Variants in RORB observed in about 807,000 individuals in gnomAD.
The protein encoded by RORB is RAR related orphan receptor B.
RORB carries 6 observed loss-of-function variants against 59.1 expected under a neutral mutation model. The ratio of observed to expected loss-of-function variants is 0.10; its 90% CI spans 0.06 to 0.20. The LOEUF (loss-of-function observed/expected upper bound fraction) is 0.20. Among genes scored for constraint, RORB ranks in the 10% least tolerant of loss-of-function variants. RORB has a pLI of 1.00. For missense variants in RORB, 320 were observed against 560.5 expected (o/e 0.57, Z 4.33); for synonymous variants, 215 against 204.5 (o/e 1.05, Z -0.44).
At chr9:74,601,054 ACACT>A (rs1393619376) in intron 1 of RORB, among the ~76,000 whole-genome samples, 4 of 152,120 alleles carry the variant, frequency 2.6e-5, no homozygotes, top group African/African-American at 9.6e-5. Context: ...AAAAATAATA[ACACT>A]CAATGTCAGT....
intron 1 of RORB, among the ~76,000 whole-genome samples, chr9:74,521,780 T>C (rs1826089112): frequency 6.6e-6 from 1 of 151,716 alleles, no homozygotes; most frequent in Non-Finnish European, 1.5e-5. Flanking sequence ...CTGTCACGAG[T>C]GTCTGTTAAA....
At chr9:74,595,787 G>A (rs1393449016) in intron 1 of RORB, among the ~76,000 whole-genome samples, 7 of 152,186 alleles carry the variant, frequency 4.6e-5, no homozygotes, top group Admixed American at 2.6e-4. Context: ...GGGAAGAGTA[G>A]GTGGGTGAGG....
intron 1 of RORB, among the ~76,000 whole-genome samples, chr9:74,585,617 T>C (rs1822786466): frequency 6.6e-6 from 1 of 152,184 alleles, no homozygotes; most frequent in Middle Eastern, 3.2e-3. Context: ...CATTAGATTA[T>C]GAAGAACAGC....
intron 1 of RORB, among the ~76,000 whole-genome samples, chr9:74,512,395 A>T (rs946311127): frequency 6.6e-6 from 1 of 152,202 alleles, no homozygotes; most frequent in Non-Finnish European, 1.5e-5. Flanking sequence ...TTTGCTCATA[A>T]GACTGTTATA....
Position 74,551,810 on chromosome 9 carries a change from G to A in RORB, c.7+53827G>A, listed in dbSNP as rs143829520. ...AAAAAAATTATAGTGGTTGCCATTC[G>A]TTTGATTTTCAAAAGTTTATTATGG... On this transcript the variant is annotated intron_variant, in intron 1 of 9. Coordinates refer to ENST00000376896, the MANE Select transcript of RORB (RefSeq NM_006914.4). Among the ~76,000 whole-genome samples the A allele has an allele frequency of 3.9e-5, 6 of 152,248 alleles. No individual in the cohort carries two copies. The East Asian group carries it at 7.7e-4, about 20-fold the overall frequency.
At chr9:74,664,351 G>T (rs181870875) in intron 6 of RORB, among the ~76,000 whole-genome samples, 5 of 152,210 alleles carry the variant, frequency 3.3e-5, no homozygotes. Flanking sequence ...CTGACATTTG[G>T]GAACAACTGA....
chr9:74,642,339 T>C (rs976015674), intron 3 of RORB, 75 bp from the exon 4 acceptor site: 76 of 1,419,426 alleles, frequency 5.4e-5, no homozygotes, highest in Non-Finnish European at 7.1e-5. Context: ...AACCATCCCA[T>C]GACCCGTTGT....
At chr9:74,631,416 T>C (rs1823615495) in intron 2 of RORB, among the ~76,000 whole-genome samples, 1 of 152,204 alleles carries the variant, frequency 6.6e-6, no homozygotes, top group South Asian at 2.1e-4. Context: ...TGAATTATTC[T>C]TTTAAGGCCA....
intron 1 of RORB, among the ~76,000 whole-genome samples, chr9:74,602,037 A>AT (rs1823065592): frequency 6.6e-6 from 1 of 152,274 alleles, no homozygotes; most frequent in Middle Eastern, 3.4e-3. Flanking sequence ...GCCCTCCATC[A>AT]TGCTGAGCCA....
chr9:74,546,991 G>T (rs1826507515), intron 1 of RORB, among the ~76,000 whole-genome samples: 1 of 152,174 alleles, frequency 6.6e-6, no homozygotes, highest in African/African-American at 2.4e-5. Flanking sequence ...CTACTCGGGA[G>T]GCTGAGGCAG....
At chr9:74,590,636 C>A (rs1229747847) in intron 1 of RORB, among the ~76,000 whole-genome samples, 1 of 152,156 alleles carries the variant, frequency 6.6e-6, no homozygotes, top group East Asian at 1.9e-4. Flanking sequence ...CAAGTGAGAC[C>A]TCTGGTCCAG....
rs1176362280 is a variant in RORB at position 74,687,504 on chromosome 9, T to G, written c.*1886T>G. The stretch of plus-strand genomic sequence containing the variant: ...TTAGAAAACGGAACATTTTCTCACC[T>G]CATGATTGATGAATTCTAAACCAAT... On this transcript the variant is annotated 3_prime_UTR_variant, in exon 10 of 10. Transcript: ENST00000376896. 6.6e-6 allele frequency: 1 copy of G among 152,166 alleles called. No individual in the cohort carries two copies. Among genetic ancestry groups the G allele is most frequent in the Non-Finnish European group, 1.5e-5 (1 of 68,016 alleles). 9.4% of individuals were successfully genotyped at this position (152,166 alleles called of 1,614,324 possible).
chr9:74,652,332 A>G (rs909830679), intron 4 of RORB, among the ~76,000 whole-genome samples: 1 of 152,070 alleles, frequency 6.6e-6, no homozygotes, highest in African/African-American at 2.4e-5. Flanking sequence ...CCCTTAAGCC[A>G]GGGAAGCAGA....
At chr9:74,512,861 T>G (rs1373357375) in intron 1 of RORB, among the ~76,000 whole-genome samples, 2 of 152,176 alleles carry the variant, frequency 1.3e-5, no homozygotes, top group African/African-American at 2.4e-5. Context: ...CTCACTCATT[T>G]CAAATATTAT....
intron 1 of RORB, among the ~76,000 whole-genome samples, chr9:74,619,163 C>T (rs1226535871): frequency 6.6e-6 from 1 of 152,108 alleles, no homozygotes; most frequent in East Asian, 1.9e-4. Context: ...TTTCCTTTTT[C>T]ACTCTTCAAC....
intron 2 of RORB, among the ~76,000 whole-genome samples, chr9:74,633,215 A>T (rs1395666969): frequency 6.6e-6 from 1 of 152,228 alleles, no homozygotes. Context: ...ATTGTGTTAA[A>T]ATATTGTATT....
At chr9:74,523,338 TG>T (rs1374047230) in intron 1 of RORB, among the ~76,000 whole-genome samples, 2 of 151,846 alleles carry the variant, frequency 1.3e-5, no homozygotes, top group Non-Finnish European at 2.9e-5. Context: ...AGCATTTGCT[TG>T]GCCTGCATCT....
intron 1 of RORB, among the ~76,000 whole-genome samples, chr9:74,596,876 G>A (rs1248083026): frequency 1.3e-5 from 2 of 152,226 alleles, no homozygotes; most frequent in Admixed American, 1.3e-4. Flanking sequence ...CAATGGTCAT[G>A]TGGCTAGTGG....
At chr9:74,620,136 C>T (rs999427380) in intron 1 of RORB, among the ~76,000 whole-genome samples, 2 of 152,080 alleles carry the variant, frequency 1.3e-5, no homozygotes, top group Non-Finnish European at 2.9e-5. Context: ...CCTTTTTGTA[C>T]CTCTGGTAGA....
Sources: allele counts gnomAD v4.1 joint callset (sites outside exome capture counted in the v4.1 genomes callset), GRCh38; gene constraint gnomAD v4.1.1; transcripts MANE v1.5; gene names NCBI Gene and HGNC (gene_info 2026-07-23, HGNC 2026-07-21).